SRRM4: variants seen among roughly 807,000 people sequenced by gnomAD.
The protein encoded by SRRM4 is serine/arginine repetitive matrix 4, also known as serine/arginine repetitive matrix protein 4.
In SRRM4, 33 loss-of-function variants were observed where a neutral mutation model predicts 68.9. The ratio of observed to expected loss-of-function variants is 0.48; its 90% confidence interval spans 0.36 to 0.64. SRRM4 has a LOEUF of 0.64. Among genes scored for constraint, SRRM4 ranks in the 30% least tolerant of loss-of-function variants. The probability of loss-of-function intolerance (pLI) is 0.00; values close to 1 mark genes in which losing one functional copy is unlikely to be tolerated. For missense variants in SRRM4, 817 were observed against 827.1 expected, an observed-to-expected ratio of 0.99 and a Z score of 0.15; for synonymous variants, 318 against 318.8, an observed-to-expected ratio of 1.00 and a Z score of 0.03.
intron 1 of SRRM4, among the ~76,000 whole-genome samples, chr12:119,022,464 C>A (rs974299446): frequency 3.9e-5 from 6 of 152,118 alleles, no homozygotes; most frequent in Non-Finnish European, 8.8e-5. Flanking sequence ...CAAATCAGCA[C>A]AAATAATCCA....
chr12:119,117,831 G>A (rs1006201430), intron 4 of SRRM4, among the ~76,000 whole-genome samples: 1 of 152,138 alleles, frequency 6.6e-6, no homozygotes, highest in African/African-American at 2.4e-5. Context: ...AGAATCACTT[G>A]AACCGGGGAG....
chr12:119,052,150 T>G (rs1404699657), intron 1 of SRRM4, among the ~76,000 whole-genome samples: 1 of 152,220 alleles, frequency 6.6e-6, no homozygotes, highest in Non-Finnish European at 1.5e-5. Flanking sequence ...CCAATTCATC[T>G]GCTTGATGCC....
chr12:119,120,155 C>G, intron 4 of SRRM4, 95 bp from the exon 5 acceptor site: 2 of 717,442 alleles, frequency 2.8e-6, no homozygotes, highest in Non-Finnish European at 4.5e-6. Context: ...TTCTCTCCTT[C>G]TCTCCCTCTC....
chr12:119,003,432 G>C (rs942294089), intron 1 of SRRM4, among the ~76,000 whole-genome samples: 3 of 151,898 alleles, frequency 2.0e-5, no homozygotes, highest in Non-Finnish European at 4.4e-5. Context: ...CAGCAACTGC[G>C]TAGATTGCTG....
chr12:119,159,438 G>A lies in SRRM4; in HGVS notation c.*2640G>A, dbSNP rs1239915167. ...GAGGCACCAGATTGGAGACAGATGT[G>A]CTATCTCCTAACAGAGTGATGAGGC... On this transcript the variant is annotated 3_prime_UTR_variant, in exon 13 of 13. Transcript: ENST00000267260. 1 of 152,224 alleles carries A rather than the reference G, an allele frequency of 6.6e-6. No homozygotes were observed. The highest frequency in any genetic ancestry group is 1.5e-5 in the Non-Finnish European group (1 of 68,064). 9.4% of individuals were successfully genotyped at this position (152,224 alleles called of 1,614,324 possible).
intron 1 of SRRM4, among the ~76,000 whole-genome samples, chr12:119,101,611 AT>A (rs1308105672): frequency 2.0e-5 from 3 of 152,068 alleles, no homozygotes; most frequent in Non-Finnish European, 4.4e-5. Context: ...ACTATTCACT[AT>A]TTTATAACTG....
intron 1 of SRRM4, among the ~76,000 whole-genome samples, chr12:119,022,576 C>T (rs187231283): frequency 5.9e-5 from 9 of 152,324 alleles, no homozygotes; most frequent in Admixed American, 5.9e-4. Context: ...CTTTACTAGA[C>T]ATAGATTTCA....
At position 119,154,303 on chromosome 12, in the gene SRRM4, T is replaced by A; in HGVS notation, c.1452T>A (p.Arg484=). ...AGCAGCGGGAGCGCGAGCGAGCGCG[T>A]CGGAGACGTCGGTCCTACTCGCCTA... ...DSQQRERERA[R]RRRRSYSPMR... is the part of the protein sequence containing the mutation. The change falls in exon 12 of 13, where the codon CGT becomes CGA. Residue 484 remains arginine (R), a synonymous_variant. Coordinates refer to ENST00000267260, the MANE Select transcript of SRRM4 (RefSeq NM_194286.4). This position sits in a 1 kb window ranked among gnomAD's most constrained non-coding sequence, Gnocchi z 4.7. 3.1e-6 allele frequency: 5 copies of A among 1,612,108 alleles called. No individual in the cohort carries two copies. The highest frequency in any genetic ancestry group is 4.2e-6 in the Non-Finnish European group (5 of 1,179,304).
chr12:119,073,346 G>C (rs1019901304), intron 1 of SRRM4, among the ~76,000 whole-genome samples: 1 of 141,990 alleles, frequency 7.0e-6, no homozygotes, highest in Non-Finnish European at 1.5e-5. Context: ...TGTTTGAGAA[G>C]GAGTCTCACT....
intron 1 of SRRM4, among the ~76,000 whole-genome samples, chr12:119,006,841 G>A (rs78132672): frequency 1.3e-5 from 2 of 152,342 alleles, no homozygotes; most frequent in East Asian, 3.9e-4. Context: ...GCTGGAGATG[G>A]GCATGGTGGT....
intron 1 of SRRM4, among the ~76,000 whole-genome samples, chr12:119,052,451 T>C (rs1953748907): frequency 6.6e-6 from 1 of 152,198 alleles, no homozygotes; most frequent in African/African-American, 2.4e-5. Flanking sequence ...TTAGTTTAAT[T>C]CCAACCAAGT....
chr12:118,988,499 C>G (rs1361515889), intron 1 of SRRM4, among the ~76,000 whole-genome samples: 3 of 152,122 alleles, frequency 2.0e-5, no homozygotes, highest in African/African-American at 7.2e-5. Flanking sequence ...TGGACCAGCT[C>G]TAGCTAATAG....
In SRRM4 at chr12:119,014,120, G is replaced by A. The variant is rs377128353; in HGVS notation, c.131+32107G>A. On this transcript the variant is annotated intron_variant, in intron 1 of 12. Transcript: ENST00000267260. ...CTTTCTTTAATGAGTGAGGCCACAC[G>A]TCTTTGCATGTTTGTTGATAATCTT... 7.2e-5 allele frequency among the ~76,000 whole-genome samples: 11 copies of A among 152,142 alleles called. No homozygotes were observed. The East Asian group carries it at 1.4e-3, about 19-fold the overall frequency.
At chr12:119,155,362 C>T (rs1368681561) in intron 12 of SRRM4, among the ~76,000 whole-genome samples, 1 of 152,208 alleles carries the variant, frequency 6.6e-6, no homozygotes, top group East Asian at 1.9e-4. Context: ...ATCAGGGATT[C>T]TCCCTGGAGA....
intron 1 of SRRM4, among the ~76,000 whole-genome samples, chr12:119,043,267 T>A (rs923287057): frequency 2.0e-5 from 3 of 152,138 alleles, no homozygotes; most frequent in Non-Finnish European, 4.4e-5. Context: ...GGAGCCATTA[T>A]CCTCAGCAAA....
intron 1 of SRRM4, among the ~76,000 whole-genome samples, chr12:118,993,537 G>T (rs1435206496): frequency 2.0e-5 from 3 of 152,214 alleles, no homozygotes; most frequent in African/African-American, 4.8e-5. Flanking sequence ...AATTATGGCA[G>T]GGACCAGACT....
At position 119,125,447 on chromosome 12, in the gene SRRM4, C is replaced by A. The variant is rs745760704; in HGVS notation, c.582C>A (p.Ser194Arg). 11 of 1,612,826 alleles carry A rather than the reference C, an allele frequency of 6.8e-6. No homozygotes were observed. The highest frequency in any genetic ancestry group is 9.3e-6 in the Non-Finnish European group (11 of 1,179,608). Reference sequence around the variant, plus strand: ...ACCGCTGCCCCTCGCGGTCCCAGAGCTCGGAGTCCCGCCCCTCAAGCTGTG... The same window carrying A: ...ACCGCTGCCCCTCGCGGTCCCAGAGATCGGAGTCCCGCCCCTCAAGCTGTG... ...RHHRCPSRSQSSESRPSSCES... is the reference protein window; with the variant it reads ...RHHRCPSRSQRSESRPSSCES... The change falls in exon 7 of 13, where the codon AGC (serine) becomes AGA (arginine). Residue 194 changes from serine to arginine, a missense_variant. Coordinates refer to ENST00000267260, the MANE Select transcript of SRRM4 (RefSeq NM_194286.4).
intron 1 of SRRM4, among the ~76,000 whole-genome samples, chr12:118,996,851 G>A (rs1035054214): frequency 5.3e-5 from 8 of 152,190 alleles, no homozygotes; most frequent in Admixed American, 4.6e-4. Context: ...TGTCACTTGT[G>A]AGGTCCAACT....
At chr12:119,135,694 T>C (rs180685343) in intron 8 of SRRM4, among the ~76,000 whole-genome samples, 67 of 152,294 alleles carry the variant, frequency 4.4e-4, no homozygotes, top group Non-Finnish European at 7.6e-4. Context: ...TTTAATTTTA[T>C]AATAGCTTTT....
Sources: allele counts gnomAD v4.1 joint callset (sites outside exome capture counted in the v4.1 genomes callset), GRCh38; gene constraint gnomAD v4.1.1; non-coding constraint Gnocchi (gnomAD v3.1); transcripts MANE v1.5; gene names NCBI Gene and HGNC (gene_info 2026-07-23, HGNC 2026-07-21).